Variants in SHROOM3 observed in about 807,000 individuals in gnomAD.
SHROOM3 encodes shroom family member 3.
SHROOM3 carries 47 observed loss-of-function variants against 138.6 expected under a neutral mutation model. That is an observed-to-expected ratio of 0.34 (90% CI 0.27 to 0.43). The LOEUF (loss-of-function observed/expected upper bound fraction) is 0.43, where lower values mean the gene tolerates loss of function less well. Among genes scored for constraint, SHROOM3 ranks in the 20% least tolerant of loss-of-function variants. The probability of loss-of-function intolerance (pLI) is 1.00; values close to 1 mark genes in which losing one functional copy is unlikely to be tolerated. For missense variants in SHROOM3, 2,491 were observed against 2,596.5 expected (o/e 0.96, Z 0.88); for synonymous variants, 1,062 against 1,063.3 (o/e 1.00, Z 0.02).
chr4:76,729,605 T>C (rs1379626023), intron 3 of SHROOM3, among the ~76,000 whole-genome samples: 2 of 152,194 alleles, frequency 1.3e-5, no homozygotes, highest in African/African-American at 4.8e-5. Flanking sequence ...ATGCAGTTAA[T>C]CCAGCCTCTG....
At chr4:76,684,990 G>A (rs1719296336) in intron 2 of SHROOM3, among the ~76,000 whole-genome samples, 1 of 152,056 alleles carries the variant, frequency 6.6e-6, no homozygotes, top group East Asian at 1.9e-4. Flanking sequence ...ATTTTGTTGT[G>A]AGTGGTTCCA....
At chr4:76,574,765 C>G (rs1473294622) in intron 2 of SHROOM3, among the ~76,000 whole-genome samples, 4 of 152,024 alleles carry the variant, frequency 2.6e-5, no homozygotes, top group Non-Finnish European at 5.9e-5. Flanking sequence ...ATAAGGTACC[C>G]AGGGTAGTCA....
At chr4:76,746,577 A>G (rs1721441552) in intron 5 of SHROOM3, among the ~76,000 whole-genome samples, 1 of 152,136 alleles carries the variant, frequency 6.6e-6, no homozygotes, top group Admixed American at 6.5e-5. Flanking sequence ...CATTTCTCAG[A>G]ACATATCCCT....
At chr4:76,512,468 G>A (rs756705942) in intron 1 of SHROOM3, among the ~76,000 whole-genome samples, 3 of 152,184 alleles carry the variant, frequency 2.0e-5, no homozygotes, top group Admixed American at 6.5e-5. Flanking sequence ...GGCAGATCTG[G>A]AATGTGGGCC....
intron 1 of SHROOM3, among the ~76,000 whole-genome samples, chr4:76,459,614 C>A (rs987444872): frequency 6.6e-6 from 1 of 152,070 alleles, no homozygotes; most frequent in Non-Finnish European, 1.5e-5. Flanking sequence ...AGATATGGCG[C>A]CATGGGTCAC....
chr4:76,503,167 C>CCACACACACACA (rs111393161), intron 1 of SHROOM3, among the ~76,000 whole-genome samples: 39,166 of 145,636 alleles, frequency 0.27, 5,909 homozygotes, highest in Non-Finnish European at 0.34. Context: ...TTGTCAACTT[C>CCACACACACACA]CACACACACA....
intron 2 of SHROOM3, among the ~76,000 whole-genome samples, chr4:76,667,860 C>A (rs746777449): frequency 2.1e-5 from 3 of 142,456 alleles, no homozygotes; most frequent in African/African-American, 7.9e-5. Context: ...CCTAGCTACT[C>A]GGGAGGCTGA....
chr4:76,711,852 G>T (rs1352925294), intron 3 of SHROOM3, among the ~76,000 whole-genome samples: 2 of 140,896 alleles, frequency 1.4e-5, no homozygotes, highest in African/African-American at 2.7e-5. Context: ...AAAAAAAAAA[G>T]ATTTAAAAGA....
chr4:76,612,621 A>C (rs1734786577), intron 2 of SHROOM3, among the ~76,000 whole-genome samples: 1 of 152,222 alleles, frequency 6.6e-6, no homozygotes, highest in African/African-American at 2.4e-5. Context: ...ATTTCAGGCA[A>C]GATTTAGTTA....
intron 1 of SHROOM3, among the ~76,000 whole-genome samples, chr4:76,475,359 G>T (rs1018599760): frequency 9.2e-5 from 14 of 152,088 alleles, no homozygotes; most frequent in African/African-American, 3.4e-4. Flanking sequence ...ATTCACTAAG[G>T]GTTGTCAAGG....
intron 1 of SHROOM3, among the ~76,000 whole-genome samples, chr4:76,533,765 G>C (rs1303564862): frequency 6.6e-6 from 1 of 152,120 alleles, no homozygotes; most frequent in African/African-American, 2.4e-5. Flanking sequence ...AATAGTAAAT[G>C]CACTTAATTT....
At chr4:76,699,299 T>C (rs1386864679) in intron 2 of SHROOM3, among the ~76,000 whole-genome samples, 1 of 152,224 alleles carries the variant, frequency 6.6e-6, no homozygotes, top group Non-Finnish European at 1.5e-5. Flanking sequence ...ATGTAGAACA[T>C]GCTCATCCCT....
intron 1 of SHROOM3, among the ~76,000 whole-genome samples, chr4:76,437,312 A>C (rs527384206): frequency 8.4e-4 from 128 of 152,272 alleles, no homozygotes; most frequent in African/African-American, 3.0e-3. Context: ...CTGTGAAAAA[A>C]ATTCAAAACC....
chr4:76,504,277 G>C (rs1732159794), intron 1 of SHROOM3, among the ~76,000 whole-genome samples: 1 of 151,990 alleles, frequency 6.6e-6, no homozygotes, highest in South Asian at 2.1e-4. Context: ...TCCTGTCTCA[G>C]CCTCCCAAGT....
intron 10 of SHROOM3, among the ~76,000 whole-genome samples, chr4:76,774,443 TG>T (rs1184086324): frequency 6.6e-6 from 1 of 152,080 alleles, no homozygotes; most frequent in Non-Finnish European, 1.5e-5. Flanking sequence ...AGACCAGGAT[TG>T]GGGAGGAGTA....
chr4:76,460,767 G>A (rs943401478), intron 1 of SHROOM3, among the ~76,000 whole-genome samples: 2 of 143,854 alleles, frequency 1.4e-5, no homozygotes, highest in East Asian at 4.2e-4. Context: ...GAGGCTGGTG[G>A]ATAGTTTTAA....
chr4:76,673,738 C>G (rs969033119), intron 2 of SHROOM3, among the ~76,000 whole-genome samples: 2 of 152,176 alleles, frequency 1.3e-5, no homozygotes, highest in African/African-American at 4.8e-5. Context: ...TATAAGCGTG[C>G]AATTCAGTAG....
At chr4:76,580,341 G>A (rs984277001) in intron 2 of SHROOM3, among the ~76,000 whole-genome samples, 10 of 151,876 alleles carry the variant, frequency 6.6e-5, no homozygotes, top group South Asian at 4.2e-4. Context: ...CGAAGTTGCC[G>A]TAAATCCAAT....
chr4:76,473,697 A>T (rs1250127331), intron 1 of SHROOM3, among the ~76,000 whole-genome samples: 1 of 152,238 alleles, frequency 6.6e-6, no homozygotes, highest in East Asian at 1.9e-4. Context: ...ATAAATGGTC[A>T]ATAAGCACAT....
Sources: gnomAD v4.1 joint callset for allele counts (sites outside exome capture counted in the v4.1 genomes callset) on GRCh38, gnomAD v4.1.1 for gene constraint, MANE v1.5 for transcripts, NCBI Gene and HGNC (gene_info 2026-07-23, HGNC 2026-07-21) for gene names.